CYB5B: variants seen among roughly 807,000 people sequenced by gnomAD.
CYB5B encodes cytochrome b5 type B (outer mitochondrial membrane).
Under a neutral mutation model 21.3 loss-of-function variants are expected in CYB5B, and 14 were observed. The ratio of observed to expected loss-of-function variants is 0.66; its 90% confidence interval spans 0.43 to 1.03. The LOEUF (loss-of-function observed/expected upper bound fraction) is 1.03, where lower values mean the gene tolerates loss of function less well. CYB5B is among the 50% of genes least tolerant of loss of function. The pLI is 0.00. For missense variants in CYB5B, 166 were observed against 185.1 expected (o/e 0.90, Z 0.60); for synonymous variants, 69 against 68.4 (o/e 1.01, Z -0.04).
intron 1 of CYB5B, among the ~76,000 whole-genome samples, chr16:69,434,129 CTA>C (rs2142811218): frequency 1.3e-5 from 2 of 152,322 alleles, no homozygotes; most frequent in South Asian, 4.1e-4. Context: ...ATTTCTAACA[CTA>C]TAGTACGTAC....
At chr16:69,434,325 A>G (rs565035991) in intron 1 of CYB5B, among the ~76,000 whole-genome samples, 26 of 152,288 alleles carry the variant, frequency 1.7e-4, no homozygotes, top group African/African-American at 6.3e-4. Context: ...ACTGCTAGGA[A>G]CTGTCATGTA....
chr16:69,460,441 TTCA>T (rs1426388224), intron 4 of CYB5B, among the ~76,000 whole-genome samples: 1 of 152,226 alleles, frequency 6.6e-6, no homozygotes, highest in Middle Eastern at 3.2e-3. Flanking sequence ...TTTAATCTCA[TTCA>T]TCATTAGTGA....
chr16:69,449,107 T>A (rs1298062955), intron 3 of CYB5B: 1 of 152,202 alleles, frequency 6.6e-6, no homozygotes, highest in Non-Finnish European at 1.5e-5. Context: ...AACTATTGAA[T>A]TGTTTCTGAA....
intron 1 of CYB5B, among the ~76,000 whole-genome samples, chr16:69,442,435 G>A (rs1226738573): frequency 3.3e-5 from 5 of 152,126 alleles, no homozygotes; most frequent in Non-Finnish European, 7.4e-5. Flanking sequence ...CAGGCATAAA[G>A]GGAAACCTGG....
At chr16:69,439,187 C>A (rs570241155) in intron 1 of CYB5B, among the ~76,000 whole-genome samples, 2 of 152,158 alleles carry the variant, frequency 1.3e-5, no homozygotes, top group South Asian at 2.1e-4. Context: ...TGTGGAAATC[C>A]AGTTTCCCAG....
chr16:69,459,442 T>C, intron 4 of CYB5B: 1 of 246,244 alleles, frequency 4.1e-6, no homozygotes, highest in East Asian at 8.1e-5. Context: ...GTCCCGAAGT[T>C]CAACCCAGCT....
rs1218807132 is a variant in CYB5B at position 69,465,948 on chromosome 16, A to G, written c.*3428A>G. ...TCTAGGAAGAAGGTTCCAAAGAAGC[A>G]GAGGCATTTGTCAAGTTACCTACCC... On this transcript the variant is annotated 3_prime_UTR_variant, in exon 5 of 5. Coordinates refer to ENST00000307892, the MANE Select transcript of CYB5B (RefSeq NM_030579.3). 2 of 152,658 alleles carry G rather than the reference A, an allele frequency of 1.3e-5. No homozygotes were observed. The highest frequency in any genetic ancestry group is 2.4e-5 in the African/African-American group (1 of 41,460). 9.5% of individuals were successfully genotyped at this position (152,658 alleles called of 1,614,324 possible).
intron 3 of CYB5B, among the ~76,000 whole-genome samples, chr16:69,452,279 A>C (rs1434855923): frequency 7.3e-6 from 1 of 137,388 alleles, no homozygotes; most frequent in African/African-American, 2.8e-5. Context: ...GCGCCACTGC[A>C]CTCCAGCCTG....
intron 1 of CYB5B, among the ~76,000 whole-genome samples, chr16:69,434,817 C>T (rs1296689775): frequency 2.7e-5 from 4 of 147,098 alleles, no homozygotes; most frequent in African/African-American, 7.6e-5. Context: ...GAGCTGAGAT[C>T]GCGCCACTGC....
intron 1 of CYB5B, among the ~76,000 whole-genome samples, chr16:69,428,303 G>C (rs531602866): frequency 6.6e-6 from 1 of 152,130 alleles, no homozygotes; most frequent in South Asian, 2.1e-4. Flanking sequence ...GGAGGCAGAC[G>C]ATAAGCAGAG....
At chr16:69,437,051 G>T (rs954777372) in intron 1 of CYB5B, among the ~76,000 whole-genome samples, 7 of 152,292 alleles carry the variant, frequency 4.6e-5, no homozygotes, top group East Asian at 3.9e-4. Context: ...ATATTCTTTG[G>T]ACAGTTGAAC....
chr16:69,458,447 T>G (rs1261283394), intron 3 of CYB5B, among the ~76,000 whole-genome samples: 1 of 152,222 alleles, frequency 6.6e-6, no homozygotes, highest in Admixed American at 6.5e-5. Context: ...GATAATGCTG[T>G]GAAGTTTGTA....
At chr16:69,448,030 C>T in intron 2 of CYB5B, 85 bp from the exon 3 acceptor site, 2 of 1,414,276 alleles carry the variant, frequency 1.4e-6, no homozygotes, top group Non-Finnish European at 2.0e-6. Flanking sequence ...AATATAGTCT[C>T]ATGTTCCAAA....
Position 69,462,526 on chromosome 16 carries a change from C to T in CYB5B, c.*6C>T, listed in dbSNP as rs184570827. 1 of 1,611,890 alleles carries T rather than the reference C, an allele frequency of 6.2e-7. No homozygotes were observed. The highest frequency in any genetic ancestry group is 8.5e-7 in the Non-Finnish European group (1 of 1,178,160). On this transcript the variant is annotated 3_prime_UTR_variant, in exon 5 of 5. Transcript: ENST00000307892. Reference sequence around the variant, plus strand: ...CGGAAAGCAAATCCTCCTGAGGAGGCCTTGCTGAAGTTAGAAAGTGCATCC... The same window carrying T: ...CGGAAAGCAAATCCTCCTGAGGAGGTCTTGCTGAAGTTAGAAAGTGCATCC...
At chr16:69,441,666 G>T (rs1354857134) in intron 1 of CYB5B, among the ~76,000 whole-genome samples, 1 of 152,092 alleles carries the variant, frequency 6.6e-6, no homozygotes, top group East Asian at 1.9e-4. Context: ...TGATCTCTCT[G>T]CCTTCTTAAA....
intron 1 of CYB5B, among the ~76,000 whole-genome samples, chr16:69,430,473 G>T (rs1246552536): frequency 5.9e-5 from 9 of 151,992 alleles, no homozygotes; most frequent in African/African-American, 1.9e-4. Flanking sequence ...TTCCGCCTTG[G>T]CCTCCCAAAA....
Position 69,462,781 on chromosome 16 carries a change from C to G in CYB5B, c.*261C>G. 2.5e-6 allele frequency: 1 copy of G among 397,640 alleles called. No individual in the cohort carries two copies. Among genetic ancestry groups the G allele is most frequent in the Non-Finnish European group, 4.7e-6 (1 of 214,636 alleles). The allele number at this position is 397,640 out of a possible 1,614,324, so 24.6% of individuals were successfully genotyped here. A position where few individuals can be genotyped will look rare whatever the true frequency, so the allele number is the denominator to read the frequency against. On this transcript the variant is annotated 3_prime_UTR_variant, in exon 5 of 5. Transcript: ENST00000307892. ...TCTCTTCACTGGTTTCCATGAGTACCCTTATATTTCACAACTTTCTGTTCA... is the reference window on the plus strand; with the variant it reads ...TCTCTTCACTGGTTTCCATGAGTACGCTTATATTTCACAACTTTCTGTTCA...
intron 1 of CYB5B, among the ~76,000 whole-genome samples, chr16:69,445,953 T>G (rs1408931377): frequency 6.6e-6 from 1 of 151,754 alleles, no homozygotes; most frequent in Non-Finnish European, 1.5e-5. Context: ...CGAAACTCCA[T>G]CTCAAAAAAA....
intron 1 of CYB5B, among the ~76,000 whole-genome samples, chr16:69,429,372 A>G (rs2014681404): frequency 6.6e-6 from 1 of 152,128 alleles, no homozygotes; most frequent in Non-Finnish European, 1.5e-5. Context: ...TGATTGGTCC[A>G]TTTTACAGAG....
Sources: allele counts gnomAD v4.1 joint callset (sites outside exome capture counted in the v4.1 genomes callset), GRCh38; gene constraint gnomAD v4.1.1; transcripts MANE v1.5; gene names NCBI Gene and HGNC (gene_info 2026-07-23, HGNC 2026-07-21).